TSPAN13: variants seen among roughly 807,000 people sequenced by gnomAD.
TSPAN13 encodes the protein tetraspanin-13.
TSPAN13 carries 18 observed loss-of-function variants against 26.9 expected under a neutral mutation model. The ratio of observed to expected loss-of-function variants is 0.67; its 90% confidence interval spans 0.46 to 0.99. The LOEUF is 0.99. TSPAN13 is among the 50% of genes least tolerant of loss of function. The probability of loss-of-function intolerance (pLI) is 0.00; values close to 1 mark genes in which losing one functional copy is unlikely to be tolerated. For synonymous variants in TSPAN13, 116 were observed against 98.4 expected, an observed-to-expected ratio of 1.18 and a Z score of -1.06; for missense variants, 201 against 249.6, an observed-to-expected ratio of 0.81 and a Z score of 1.31.
chr7:16,755,096 A>G (rs1784468007), intron 1 of TSPAN13, among the ~76,000 whole-genome samples: 1 of 152,104 alleles, frequency 6.6e-6, no homozygotes, highest in Admixed American at 6.5e-5. Context: ...ATCCCTCCAT[A>G]GTAGTCTTGC....
At chr7:16,775,464 G>A (rs541792457) in intron 1 of TSPAN13, among the ~76,000 whole-genome samples, 1 of 152,252 alleles carries the variant, frequency 6.6e-6, no homozygotes, top group East Asian at 1.9e-4. Context: ...TTTTTATTCT[G>A]CTAAAAGTTT....
intron 5 of TSPAN13, among the ~76,000 whole-genome samples, chr7:16,780,253 C>T (rs1477462835): frequency 6.6e-6 from 1 of 151,950 alleles, no homozygotes; most frequent in Non-Finnish European, 1.5e-5. Context: ...GCATGCACCA[C>T]TACACCCAGC....
At position 16,777,041 on chromosome 7, in the gene TSPAN13, G is replaced by A. The variant is rs1322724127; in HGVS notation, c.232-1G>A. On this transcript the variant is annotated splice_acceptor_variant, in intron 2 of 5. Transcript: ENST00000262067. LOFTEE classifies it high-confidence loss of function. ...AAGTATCCTTAACTTCTAACTCTCA[G>A]TATATGATTATTCTGTTACTTGTAT... is the stretch of plus-strand genomic sequence containing the variant. 6.2e-7 allele frequency: 1 copy of A among 1,602,106 alleles called. No homozygotes were observed.
intron 1 of TSPAN13, among the ~76,000 whole-genome samples, chr7:16,761,418 T>C (rs1784539639): frequency 6.6e-6 from 1 of 152,242 alleles, no homozygotes; most frequent in Admixed American, 6.5e-5. Context: ...GAATTGCTCT[T>C]CAGTTTTCCA....
chr7:16,769,995 A>C (rs1305236121), intron 1 of TSPAN13, among the ~76,000 whole-genome samples: 4 of 152,040 alleles, frequency 2.6e-5, no homozygotes, highest in African/African-American at 9.7e-5. Context: ...TCTCTTAAAT[A>C]ATTTTGCCAA....
intron 1 of TSPAN13, among the ~76,000 whole-genome samples, chr7:16,760,578 GTT>G (rs1784532002): frequency 6.6e-6 from 1 of 152,182 alleles, no homozygotes; most frequent in African/African-American, 2.4e-5. Context: ...TAACCACACT[GTT>G]ATTCAGGGGA....
chr7:16,782,537 G>C (rs1784824759), intron 5 of TSPAN13, among the ~76,000 whole-genome samples: 1 of 152,072 alleles, frequency 6.6e-6, no homozygotes, highest in African/African-American at 2.4e-5. Flanking sequence ...AACCAACTTT[G>C]AAACAGAAAC....
At chr7:16,762,004 C>CT (rs1784546954) in intron 1 of TSPAN13, among the ~76,000 whole-genome samples, 1 of 152,030 alleles carries the variant, frequency 6.6e-6, no homozygotes, top group African/African-American at 2.4e-5. Context: ...TCTAATCTGT[C>CT]TTTTTGAAAT....
intron 1 of TSPAN13, among the ~76,000 whole-genome samples, chr7:16,764,184 ATTTTT>A (rs60512988): frequency 1.2e-4 from 18 of 144,368 alleles, no homozygotes; most frequent in African/African-American, 3.3e-4. Context: ...TGCCCAGCTA[ATTTTT>A]TTTTTTTTTT....
chr7:16,776,426 G>A (rs1221362134), intron 2 of TSPAN13, 48 bp downstream of exon 2: 2 of 1,550,004 alleles, frequency 1.3e-6, no homozygotes, highest in South Asian at 2.4e-5. Flanking sequence ...CTATTTTGAT[G>A]GTTACAACTA....
chr7:16,763,285 A>G (rs58257236), intron 1 of TSPAN13, among the ~76,000 whole-genome samples: 2,273 of 152,288 alleles, frequency 0.015, 54 homozygotes, highest in African/African-American at 0.052. Context: ...AGGGAAGGCG[A>G]TCACCATGGT....
In TSPAN13 at chr7:16,783,563, TTTGCCAG is replaced by T. The variant is rs1462948469; in HGVS notation, c.*75_*81del. The T allele has an allele frequency of 7.6e-6, 11 of 1,438,188 alleles. No homozygotes were observed. The highest frequency in any genetic ancestry group is 1.1e-5 in the Non-Finnish European group (11 of 1,021,952). The allele number at this position is 1,438,188 out of a possible 1,614,324, so 89.1% of individuals were successfully genotyped here. Reference sequence around the variant, plus strand: ...TTCTGTAATTTTCTGTTAAGCTCCATTTGCCAGTTTAAGGAAGGAAACACTATCTGGA... The same window carrying T: ...TTCTGTAATTTTCTGTTAAGCTCCATTTTAAGGAAGGAAACACTATCTGGA... On this transcript the variant is annotated 3_prime_UTR_variant, in exon 6 of 6. Coordinates refer to ENST00000262067, the MANE Select transcript of TSPAN13 (RefSeq NM_014399.4).
intron 1 of TSPAN13, among the ~76,000 whole-genome samples, chr7:16,762,055 G>A (rs895767466): frequency 2.0e-5 from 3 of 151,814 alleles, no homozygotes; most frequent in Non-Finnish European, 4.4e-5. Flanking sequence ...CACTTACCTT[G>A]GAAGAATTTT....
Position 16,753,960 on chromosome 7 carries a change from G to T in TSPAN13, c.-8G>T. 6.2e-7 allele frequency: 1 copy of T among 1,612,434 alleles called. No individual in the cohort carries two copies. The highest frequency in any genetic ancestry group is 1.3e-5 in the African/African-American group (1 of 74,972). ...TACGTGCAGCTGCCGGCAACCACAG[G>T]TTCCAAGATGGTTTGCGGGGGCTTC... On this transcript the variant is annotated 5_prime_UTR_variant, in exon 1 of 6. Transcript: ENST00000262067.
At chr7:16,781,449 C>T (rs1784812751) in intron 5 of TSPAN13, among the ~76,000 whole-genome samples, 2 of 152,150 alleles carry the variant, frequency 1.3e-5, no homozygotes, top group South Asian at 4.2e-4. Flanking sequence ...TTGAAAAGTG[C>T]CCTCTTAATC....
At chr7:16,776,501 TG>T (rs752067142) in intron 2 of TSPAN13, 123 bp downstream of exon 2, 298 of 916,570 alleles carry the variant, frequency 3.3e-4, no homozygotes, top group Non-Finnish European at 4.4e-4. Context: ...TATGCATATT[TG>T]TTCAAGAACT....
intron 1 of TSPAN13, among the ~76,000 whole-genome samples, chr7:16,761,849 T>C (rs1251818164): frequency 6.6e-6 from 1 of 152,106 alleles, no homozygotes; most frequent in Non-Finnish European, 1.5e-5. Context: ...TTATTTTCTT[T>C]ACATGTCTGT....
intron 4 of TSPAN13, 47 bp downstream of exon 4, chr7:16,777,958 A>C (rs568202856): frequency 2.2e-6 from 3 of 1,339,932 alleles, no homozygotes. Flanking sequence ...ATTACAGATA[A>C]ATAATGATTA....
intron 1 of TSPAN13, among the ~76,000 whole-genome samples, chr7:16,754,745 C>T (rs1235620174): frequency 6.6e-6 from 1 of 152,158 alleles, no homozygotes; most frequent in African/African-American, 2.4e-5. Context: ...CTTTCCCTGC[C>T]AACCAGCTTG....
Sources: allele counts gnomAD v4.1 joint callset (sites outside exome capture counted in the v4.1 genomes callset), GRCh38; gene constraint gnomAD v4.1.1; transcripts MANE v1.5; gene names NCBI Gene and HGNC (gene_info 2026-07-23, HGNC 2026-07-21).